LRP1B: variants seen among roughly 807,000 people sequenced by gnomAD.
The protein encoded by LRP1B is low-density lipoprotein receptor-related protein 1B.
In LRP1B, 217 loss-of-function variants were observed where a neutral mutation model predicts 556.6. That is an observed-to-expected ratio of 0.39 (90% CI 0.35 to 0.44). LRP1B has a LOEUF of 0.44. LRP1B is among the 20% of genes least tolerant of loss of function. The pLI, the probability that LRP1B is intolerant of heterozygous loss-of-function variation, is 1.00. For synonymous variants in LRP1B, 2,047 were observed against 1,865.8 expected (o/e 1.10, Z -2.50); for missense variants, 5,053 against 5,620.8 (o/e 0.90, Z 3.23).
In LRP1B at chr2:140,628,727, C is replaced by A. The variant is rs1354746691; in HGVS notation, c.6800-27088G>T. On this transcript the variant is annotated intron_variant, in intron 41 of 90. Coordinates refer to ENST00000389484, the MANE Select transcript of LRP1B (RefSeq NM_018557.3). ...TATATTATGGTTAGGATTTGCATCC[C>A]CACCCAAATCTCATGTCGAATTATA... 2.0e-5 allele frequency among the ~76,000 whole-genome samples: 3 copies of A among 152,046 alleles called. No individual in the cohort carries two copies. In the East Asian group the frequency reaches 5.8e-4, roughly 29 times the overall value.
chr2:140,462,371 G>T lies in LRP1B; in HGVS notation c.9626-4720C>A, dbSNP rs146094199. On this transcript the variant is annotated intron_variant, in intron 60 of 90. Transcript: ENST00000389484. ...TGATAGTTGCAGAGAGTTTAATAAA[G>T]AATTATTTATAGAGATGGACATGCA... Among the ~76,000 whole-genome samples, 530 of 152,238 alleles carry T rather than the reference G, an allele frequency of 3.5e-3. 7 individuals carry two copies. Among genetic ancestry groups the T allele is most frequent in the African/African-American group, 0.012 (491 of 41,536 alleles).
chr2:140,861,899 A>G (rs948560798), intron 27 of LRP1B, among the ~76,000 whole-genome samples: 17 of 152,320 alleles, frequency 1.1e-4, no homozygotes, highest in Admixed American at 7.8e-4. Flanking sequence ...GTGTGTGCGC[A>G]TGCACACGCT....
intron 1 of LRP1B, among the ~76,000 whole-genome samples, chr2:142,040,158 G>C (rs1386883505): frequency 6.6e-6 from 1 of 151,404 alleles, no homozygotes; most frequent in African/African-American, 2.4e-5. Context: ...TATATGTTTG[G>C]TGAACATAAT....
intron 7 of LRP1B, among the ~76,000 whole-genome samples, chr2:141,145,647 C>T (rs1701763387): frequency 6.6e-6 from 1 of 151,470 alleles, no homozygotes; most frequent in South Asian, 2.1e-4. Flanking sequence ...GATTCTCCTG[C>T]CTCGGCTTCC....
At chr2:140,374,302 C>A (rs1210495454) in intron 68 of LRP1B, among the ~76,000 whole-genome samples, 1 of 152,154 alleles carries the variant, frequency 6.6e-6, no homozygotes, top group Non-Finnish European at 1.5e-5. Context: ...AAAAGTGTAA[C>A]AATCTCATGG....
In LRP1B at chr2:141,050,406, G is replaced by A. The variant is rs538899433; in HGVS notation, c.1553-1184C>T. ...GGTTTGTTACATAGATAGCATACAT[G>A]CACCATGGTGGTTTGCTGCACCTAT... On this transcript the variant is annotated intron_variant, in intron 10 of 90. Transcript: ENST00000389484. Among the ~76,000 whole-genome samples the A allele has an allele frequency of 4.6e-5, 7 of 151,998 alleles. No individual in the cohort carries two copies. In the East Asian group the frequency reaches 1.4e-3, roughly 30 times the overall value.
At chr2:140,809,246 T>TAAA (rs906060114) in intron 32 of LRP1B, among the ~76,000 whole-genome samples, 3 of 151,452 alleles carry the variant, frequency 2.0e-5, no homozygotes, top group African/African-American at 4.9e-5. Flanking sequence ...GGTATTTTTT[T>TAAA]AAAAAAAAAT....
intron 7 of LRP1B, among the ~76,000 whole-genome samples, chr2:141,165,750 T>C (rs1241550637): frequency 6.6e-6 from 1 of 152,094 alleles, no homozygotes; most frequent in Non-Finnish European, 1.5e-5. Flanking sequence ...TGTATGAATA[T>C]GTATGATTAA....
chr2:141,115,461 T>TTTG lies in LRP1B; in HGVS notation c.1014-53189_1014-53188insCAA, dbSNP rs754234589. On this transcript the variant is annotated intron_variant, in intron 7 of 90. Coordinates refer to ENST00000389484, the MANE Select transcript of LRP1B (RefSeq NM_018557.3). Reference sequence around the variant, plus strand: ...AAATGAATAGGTTTTTGTTTTTGTTTTTTTTTTTTTTTTGAGATGGATTCT... The same window carrying TTTG: ...AAATGAATAGGTTTTTGTTTTTGTTTTTGTTTTTTTTTTTTTGAGATGGATTCT... 4.9e-3 allele frequency among the ~76,000 whole-genome samples: 716 copies of TTTG among 145,600 alleles called. 7 individuals carry two copies. The highest frequency in any genetic ancestry group is 0.013 in the South Asian group (60 of 4,534).
At chr2:142,102,304 G>A (rs953388076) in intron 1 of LRP1B, among the ~76,000 whole-genome samples, 7 of 151,590 alleles carry the variant, frequency 4.6e-5, no homozygotes, top group African/African-American at 1.5e-4. Context: ...GCCTGAAAAT[G>A]ACACAGACAC....
chr2:140,979,663 T>A (rs182603870), intron 18 of LRP1B, among the ~76,000 whole-genome samples: 1 of 152,146 alleles, frequency 6.6e-6, no homozygotes, highest in African/African-American at 2.4e-5. Context: ...CAACAAGGAA[T>A]GAAACCTACT....
Position 140,447,064 on chromosome 2 carries a change from C to T in LRP1B, c.10058-2385G>A, listed in dbSNP as rs577985931. Among the ~76,000 whole-genome samples the T allele has an allele frequency of 1.8e-4, 27 of 152,022 alleles. No individual in the cohort carries two copies. In the South Asian group the frequency reaches 5.2e-3, roughly 29 times the overall value. ...TGGCCAACTGGTATATTAAAAAATA[C>T]TCAACATCACTAATTATCAGGAAAA... On this transcript the variant is annotated intron_variant, in intron 63 of 90. Coordinates refer to ENST00000389484, the MANE Select transcript of LRP1B (RefSeq NM_018557.3).
chr2:141,269,254 C>G (rs927640085), intron 3 of LRP1B, among the ~76,000 whole-genome samples: 1 of 152,116 alleles, frequency 6.6e-6, no homozygotes, highest in African/African-American at 2.4e-5. Context: ...AGGTAAAATT[C>G]AGGACAGATA....
At chr2:141,798,081 G>A (rs556407218) in intron 2 of LRP1B, among the ~76,000 whole-genome samples, 26 of 152,198 alleles carry the variant, frequency 1.7e-4, no homozygotes, top group African/African-American at 5.1e-4. Flanking sequence ...CTATGTAAGG[G>A]TTATATAAGA....
At chr2:141,333,280 A>T (rs1687725370) in intron 3 of LRP1B, among the ~76,000 whole-genome samples, 1 of 152,030 alleles carries the variant, frequency 6.6e-6, no homozygotes, top group Non-Finnish European at 1.5e-5. Flanking sequence ...TATCCTTCTA[A>T]CTTTGTGGAT....
At chr2:140,952,382 G>A (rs113182226) in intron 18 of LRP1B, among the ~76,000 whole-genome samples, 12 of 151,826 alleles carry the variant, frequency 7.9e-5, no homozygotes, top group Non-Finnish European at 1.5e-4. Flanking sequence ...CTCACTCTGC[G>A]TCTGAAAGAT....
chr2:142,006,391 T>C (rs920078569), intron 1 of LRP1B, among the ~76,000 whole-genome samples: 13 of 152,342 alleles, frequency 8.5e-5, no homozygotes, highest in Admixed American at 4.6e-4. Context: ...TTGCTAGTGA[T>C]TGGCTTCTTA....
chr2:140,399,076 ATCTT>A (rs1158347598), intron 66 of LRP1B, among the ~76,000 whole-genome samples: 2 of 152,184 alleles, frequency 1.3e-5, no homozygotes, highest in East Asian at 1.9e-4. Flanking sequence ...TCAAATACTT[ATCTT>A]TCTTTTTCTT....
intron 1 of LRP1B, among the ~76,000 whole-genome samples, chr2:142,081,191 A>G (rs1364704054): frequency 6.6e-6 from 1 of 152,210 alleles, no homozygotes; most frequent in African/African-American, 2.4e-5. Flanking sequence ...GAGGTATTCA[A>G]TAAGGCCTGA....
Sources: allele counts gnomAD v4.1 joint callset (sites outside exome capture counted in the v4.1 genomes callset), GRCh38; gene constraint gnomAD v4.1.1; transcripts MANE v1.5; gene names NCBI Gene and HGNC (gene_info 2026-07-23, HGNC 2026-07-21).